Variants in RNLS observed in about 807,000 individuals in gnomAD.
RNLS encodes renalase.
A neutral mutation model predicts 39.8 loss-of-function variants in RNLS; 39 were observed. The observed-to-expected ratio is 0.98, with a 90% CI of 0.76 to 1.28. RNLS has a LOEUF of 1.28. Among genes scored for constraint, RNLS ranks in the 50% most tolerant of loss-of-function variants. The pLI, the probability that RNLS is intolerant of heterozygous loss-of-function variation, is 0.00. For synonymous variants in RNLS, 147 were observed against 150.7 expected, an observed-to-expected ratio of 0.98 and a Z score of 0.18; for missense variants, 410 against 413.3, an observed-to-expected ratio of 0.99 and a Z score of 0.07.
Position 88,554,894 on chromosome 10 carries a change from C to T in RNLS, c.526+18009G>A, listed in dbSNP as rs921226433. ...CAATACAATACAATAAAAACTTGAT[C>T]CAACCTCATCTTCTAACAGCCTAAT... On this transcript the variant is annotated intron_variant, in intron 4 of 6. Transcript: ENST00000331772. Among the ~76,000 whole-genome samples the T allele has an allele frequency of 3.3e-5, 5 of 152,042 alleles. No individual in the cohort carries two copies. The South Asian group carries it at 1.0e-3, about 32-fold the overall frequency.
chr10:88,309,592 G>A (rs1357593447), intron 6 of RNLS: 4 of 535,528 alleles, frequency 7.5e-6, no homozygotes, highest in East Asian at 6.9e-5. Flanking sequence ...AAGGCCTGAA[G>A]GAGCCAAATG....
chr10:88,518,437 G>A (rs1202923147), intron 4 of RNLS, among the ~76,000 whole-genome samples: 1 of 151,872 alleles, frequency 6.6e-6, no homozygotes, highest in Admixed American at 6.6e-5. Flanking sequence ...AAAATACACT[G>A]TAAATTAAGT....
chr10:88,423,078 C>T (rs1432783398), intron 4 of RNLS, among the ~76,000 whole-genome samples: 2 of 152,076 alleles, frequency 1.3e-5, no homozygotes, highest in South Asian at 2.1e-4. Flanking sequence ...AAACACTTTT[C>T]GAAATGCAAC....
chr10:88,434,007 GA>G (rs1404905375), intron 4 of RNLS, among the ~76,000 whole-genome samples: 4 of 152,246 alleles, frequency 2.6e-5, no homozygotes, highest in Non-Finnish European at 5.9e-5. Flanking sequence ...TGGTCTACCA[GA>G]CTCCCCAGTT....
chr10:88,469,822 CGT>C (rs199651876), intron 4 of RNLS, among the ~76,000 whole-genome samples: 11,460 of 138,006 alleles, frequency 0.083, 540 homozygotes, highest in African/African-American at 0.14. Flanking sequence ...TATGTGTGTG[CGT>C]GTGTGTGTGT....
Position 88,583,210 on chromosome 10 carries a change from C to G in RNLS, c.-20G>C, listed in dbSNP as rs374558508. On this transcript the variant is annotated 5_prime_UTR_variant, in exon 1 of 7. Coordinates refer to ENST00000331772, the MANE Select transcript of RNLS (RefSeq NM_001031709.3). ...CGCCATGGCGAGAGGGAGCAGCGAT[C>G]CGCGCTGAGTCTCTGCGGCGGGGCC... is the stretch of plus-strand genomic sequence containing the variant. The G allele has an allele frequency of 5.8e-5, 93 of 1,613,082 alleles. No homozygotes were observed. Among genetic ancestry groups the G allele is most frequent in the Admixed American group, 3.0e-4 (18 of 59,954 alleles).
intron 4 of RNLS, among the ~76,000 whole-genome samples, chr10:88,485,475 T>C (rs776074831): frequency 1.3e-5 from 2 of 151,750 alleles, no homozygotes; most frequent in Middle Eastern, 3.2e-3. Flanking sequence ...ATACACTTAA[T>C]AGAAAACCTA....
chr10:88,321,850 A>G (rs993127044), intron 5 of RNLS, among the ~76,000 whole-genome samples: 6 of 152,212 alleles, frequency 3.9e-5, no homozygotes, highest in African/African-American at 1.4e-4. Context: ...AGGACTAGAC[A>G]GACTCATGGC....
intron 4 of RNLS, among the ~76,000 whole-genome samples, chr10:88,415,124 G>C (rs1402299072): frequency 6.6e-6 from 1 of 152,156 alleles, no homozygotes; most frequent in African/African-American, 2.4e-5. Flanking sequence ...GTGTTGGAAA[G>C]GTAAAAGATT....
At chr10:88,425,400 C>CA (rs1760107655) in intron 4 of RNLS, among the ~76,000 whole-genome samples, 1 of 151,996 alleles carries the variant, frequency 6.6e-6, no homozygotes, top group Non-Finnish European at 1.5e-5. Flanking sequence ...AGCAAAAAGT[C>CA]AAAAGGAGCT....
chr10:88,568,472 T>C (rs766407268), intron 4 of RNLS, among the ~76,000 whole-genome samples: 4 of 152,132 alleles, frequency 2.6e-5, no homozygotes, highest in Admixed American at 6.6e-5. Context: ...AGGTGAATTG[T>C]ATGGTATGTG....
chr10:88,215,843 G>T, the RNLS span, among the ~76,000 whole-genome samples: 1 of 151,812 alleles, frequency 6.6e-6, no homozygotes, highest in Non-Finnish European at 1.5e-5. Context: ...GGGATTACAG[G>T]TGCACGCCAC....
the RNLS span, among the ~76,000 whole-genome samples, chr10:88,242,953 AC>A: frequency 3.7e-4 from 56 of 151,480 alleles, no homozygotes; most frequent in East Asian, 9.6e-3. Context: ...GTCAAAACAA[AC>A]AAACAAACAA....
chr10:88,398,671 C>T (rs1852719300), intron 4 of RNLS, among the ~76,000 whole-genome samples: 1 of 151,908 alleles, frequency 6.6e-6, no homozygotes, highest in Non-Finnish European at 1.5e-5. Flanking sequence ...AATGTAAGAG[C>T]AAAAACTATA....
the RNLS span, among the ~76,000 whole-genome samples, chr10:88,224,208 C>CG: frequency 3.3e-5 from 5 of 152,150 alleles, no homozygotes; most frequent in Non-Finnish European, 7.4e-5. Flanking sequence ...ATCAAGGTGG[C>CG]GGTAGGTTCA....
the RNLS span, among the ~76,000 whole-genome samples, chr10:88,244,682 G>C: frequency 6.7e-6 from 1 of 148,866 alleles, no homozygotes; most frequent in Non-Finnish European, 1.5e-5. Context: ...GATGTTTAAG[G>C]TTTTCATGCT....
At chr10:88,244,001 C>T in the RNLS span, among the ~76,000 whole-genome samples, 7 of 152,224 alleles carry the variant, frequency 4.6e-5, no homozygotes, top group Admixed American at 3.3e-4. Flanking sequence ...GGACTGATAA[C>T]GCCTTTGCTA....
chr10:88,499,533 T>C (rs1002457579), intron 4 of RNLS, among the ~76,000 whole-genome samples: 2 of 152,092 alleles, frequency 1.3e-5, no homozygotes, highest in East Asian at 3.9e-4. Context: ...TGGCTTTTTA[T>C]TTTATTTTAT....
At chr10:88,578,880 T>C (rs1850360195) in intron 3 of RNLS, among the ~76,000 whole-genome samples, 1 of 152,192 alleles carries the variant, frequency 6.6e-6, no homozygotes, top group South Asian at 2.1e-4. Context: ...TTGGTTCTTG[T>C]ATCATTAGTA....
Sources: gnomAD v4.1 joint callset for allele counts (sites outside exome capture counted in the v4.1 genomes callset) on GRCh38, gnomAD v4.1.1 for gene constraint, MANE v1.5 for transcripts, NCBI Gene and HGNC (gene_info 2026-07-23, HGNC 2026-07-21) for gene names.